Variants in ATP10A observed in about 807,000 individuals in gnomAD.
The protein encoded by ATP10A is ATPase phospholipid transporting 10A (putative).
Under a neutral mutation model 147.8 loss-of-function variants are expected in ATP10A, and 111 were observed. The ratio of observed to expected loss-of-function variants is 0.75; its 90% confidence interval spans 0.64 to 0.88. The LOEUF is 0.88. Ranked by LOEUF, ATP10A falls within the 40% of genes least tolerant of loss-of-function variation. The pLI is 0.00. For synonymous variants in ATP10A, 875 were observed against 841.6 expected, an observed-to-expected ratio of 1.04 and a Z score of -0.69; for missense variants, 1,927 against 1,959.0, an observed-to-expected ratio of 0.98 and a Z score of 0.31.
At chr15:25,822,153 C>T (rs980518616) in intron 1 of ATP10A, among the ~76,000 whole-genome samples, 13 of 151,932 alleles carry the variant, frequency 8.6e-5, no homozygotes, top group East Asian at 7.7e-4. Context: ...TAGAGAATGA[C>T]GACAAGAAAA....
intron 14 of ATP10A, among the ~76,000 whole-genome samples, chr15:25,693,557 G>A (rs35414420): frequency 0.71 from 108,430 of 151,674 alleles, 39,365 homozygotes; most frequent in Non-Finnish European, 0.79. Context: ...AGGGAAGGAC[G>A]CTGACGCTCA....
At chr15:25,709,681 G>C (rs1901272696) in intron 10 of ATP10A, 2 of 152,346 alleles carry the variant, frequency 1.3e-5, no homozygotes, top group African/African-American at 4.8e-5. Context: ...ACAGAGCCTA[G>C]TGACAGGGAG....
intron 1 of ATP10A, among the ~76,000 whole-genome samples, chr15:25,845,816 C>A (rs11858052): frequency 0.78 from 119,114 of 152,120 alleles, 51,666 homozygotes; most frequent in South Asian, 0.98. Flanking sequence ...AATGTCTCCA[C>A]GGACGAAAAA....
At chr15:25,765,573 C>T (rs1888976047) in intron 2 of ATP10A, among the ~76,000 whole-genome samples, 1 of 152,182 alleles carries the variant, frequency 6.6e-6, no homozygotes, top group South Asian at 2.1e-4. Context: ...GCGGTCACTC[C>T]TGAAGTCCTG....
rs370167995 is a variant in ATP10A at position 25,727,309 on chromosome 15, G to C, written c.741-43C>G. ...GCACATGTCACGTGGTTGCAGGCCT[G>C]TGCCTCATGTCTGGAGCCGCAATGC... On this transcript the variant is annotated intron_variant, in intron 3 of 20. Coordinates refer to ENST00000555815, the MANE Select transcript of ATP10A (RefSeq NM_024490.4). 5 of 1,503,796 alleles carry C rather than the reference G, an allele frequency of 3.3e-6. No individual in the cohort carries two copies. In the Admixed American group the frequency reaches 6.7e-5, roughly 20 times the overall value. The allele number at this position is 1,503,796 out of a possible 1,614,324, so 93.2% of individuals were successfully genotyped here. A position where few individuals can be genotyped will look rare whatever the true frequency, so the allele number is the denominator to read the frequency against.
chr15:25,851,308 C>T (rs1192745845), intron 1 of ATP10A, among the ~76,000 whole-genome samples: 1 of 151,974 alleles, frequency 6.6e-6, no homozygotes, highest in Non-Finnish European at 1.5e-5. Context: ...TGTTCCAAGG[C>T]TCTCCATTCG....
chr15:25,770,264 G>T (rs1054361084), intron 2 of ATP10A, among the ~76,000 whole-genome samples: 2 of 152,142 alleles, frequency 1.3e-5, no homozygotes, highest in African/African-American at 4.8e-5. Context: ...ACCACAGTTG[G>T]GGATCGGCCC....
chr15:25,790,809 T>C (rs778198959), intron 1 of ATP10A, among the ~76,000 whole-genome samples: 4 of 152,160 alleles, frequency 2.6e-5, no homozygotes, highest in Non-Finnish European at 5.9e-5. Flanking sequence ...GACATCTCAA[T>C]AATACTGCCC....
chr15:25,834,597 A>C (rs975391093), intron 1 of ATP10A, among the ~76,000 whole-genome samples: 2 of 152,232 alleles, frequency 1.3e-5, no homozygotes, highest in Non-Finnish European at 2.9e-5. Context: ...CGTGTGCTCC[A>C]GCAAGTCTCC....
intron 12 of ATP10A, among the ~76,000 whole-genome samples, chr15:25,703,265 G>T (rs1900779545): frequency 6.6e-6 from 1 of 152,184 alleles, no homozygotes; most frequent in Admixed American, 6.5e-5. Flanking sequence ...GGTTGAGGCA[G>T]AATTGCTTGA....
intron 17 of ATP10A, among the ~76,000 whole-genome samples, chr15:25,681,378 C>A (rs560340864): frequency 6.6e-5 from 10 of 152,320 alleles, no homozygotes; most frequent in Admixed American, 6.5e-4. Flanking sequence ...AAGAGCATCT[C>A]AAAACGATCA....
intron 2 of ATP10A, among the ~76,000 whole-genome samples, chr15:25,750,972 T>C (rs1014357550): frequency 1.3e-5 from 2 of 152,020 alleles, no homozygotes; most frequent in South Asian, 2.1e-4. Context: ...AGCAAGATGA[T>C]AGGCTTAAAT....
chr15:25,799,533 C>A (rs1000969966), intron 1 of ATP10A, among the ~76,000 whole-genome samples: 2 of 152,080 alleles, frequency 1.3e-5, no homozygotes, highest in African/African-American at 4.8e-5. Flanking sequence ...GACAAAAAAA[C>A]AAAGTTAAAC....
At chr15:25,737,753 C>T (rs1031812330) in intron 2 of ATP10A, among the ~76,000 whole-genome samples, 1 of 152,152 alleles carries the variant, frequency 6.6e-6, no homozygotes, top group African/African-American at 2.4e-5. Context: ...GAGAGGAAGT[C>T]TTTAAAGAGG....
chr15:25,821,361 A>G (rs1250496842), intron 1 of ATP10A, among the ~76,000 whole-genome samples: 1 of 151,910 alleles, frequency 6.6e-6, no homozygotes, highest in Non-Finnish European at 1.5e-5. Context: ...ACTGCACTCC[A>G]GCCTGGGTGA....
intron 1 of ATP10A, among the ~76,000 whole-genome samples, chr15:25,851,699 C>T (rs1893307094): frequency 6.6e-6 from 1 of 152,004 alleles, no homozygotes; most frequent in African/African-American, 2.4e-5. Flanking sequence ...AAATTCTTTC[C>T]AAAAGCTGTC....
At chr15:25,836,105 G>A (rs779102746) in intron 1 of ATP10A, among the ~76,000 whole-genome samples, 9 of 152,256 alleles carry the variant, frequency 5.9e-5, no homozygotes, top group Admixed American at 1.3e-4. Flanking sequence ...GAGCCAAAGC[G>A]CCTGGCCTAA....
chr15:25,792,240 A>G (rs1343148938), intron 1 of ATP10A, among the ~76,000 whole-genome samples: 1 of 152,240 alleles, frequency 6.6e-6, no homozygotes, highest in Non-Finnish European at 1.5e-5. Context: ...ATGGTAGTAC[A>G]GTATGTTGGA....
At position 25,863,234 on chromosome 15, in the gene ATP10A, G is replaced by C. The variant is rs1248371343; in HGVS notation, c.-138C>G. On this transcript the variant is annotated 5_prime_UTR_variant, in exon 1 of 21. Coordinates refer to ENST00000555815, the MANE Select transcript of ATP10A (RefSeq NM_024490.4). ...GACGCACGGAGACCGCGGTCAGCGC[G>C]CCGCCTGGCCGGCCCAGCGCGCCCA... 3.9e-6 allele frequency: 2 copies of C among 506,606 alleles called. No individual in the cohort carries two copies. Among genetic ancestry groups the C allele is most frequent in the Admixed American group, 1.2e-4 (2 of 17,000 alleles). 31.4% of individuals were successfully genotyped at this position (506,606 alleles called of 1,614,324 possible).
Sources: allele counts gnomAD v4.1 joint callset (sites outside exome capture counted in the v4.1 genomes callset), GRCh38; gene constraint gnomAD v4.1.1; transcripts MANE v1.5; gene names NCBI Gene and HGNC (gene_info 2026-07-23, HGNC 2026-07-21).